PDE4B: variants seen among roughly 807,000 people sequenced by gnomAD.
The protein encoded by PDE4B is phosphodiesterase 4B, also known as 3',5'-cyclic-AMP phosphodiesterase 4B.
A neutral mutation model predicts 82.2 loss-of-function variants in PDE4B; 20 were observed. The observed-to-expected ratio is 0.24, with a 90% CI of 0.17 to 0.35. The LOEUF (loss-of-function observed/expected upper bound fraction) is 0.35, where lower values mean the gene tolerates loss of function less well. PDE4B is among the 10% of genes least tolerant of loss of function. The pLI is 1.00. For missense variants in PDE4B, 655 were observed against 907.2 expected (o/e 0.72, Z 3.57); for synonymous variants, 320 against 318.9 (o/e 1.00, Z -0.04).
intron 3 of PDE4B, among the ~76,000 whole-genome samples, chr1:66,035,056 A>AG (rs1287452345): frequency 6.6e-6 from 1 of 152,216 alleles, no homozygotes; most frequent in East Asian, 1.9e-4. Flanking sequence ...ATGTCTCTGC[A>AG]TACTAATCTT....
At chr1:66,155,463 A>C (rs1228983315) in intron 3 of PDE4B, among the ~76,000 whole-genome samples, 1 of 152,314 alleles carries the variant, frequency 6.6e-6, no homozygotes, top group Admixed American at 6.5e-5. Context: ...ACTTATTTTA[A>C]TCTTTCCAGA....
chr1:66,015,761 G>T (rs1003830789), intron 3 of PDE4B, among the ~76,000 whole-genome samples: 1 of 152,188 alleles, frequency 6.6e-6, no homozygotes, highest in South Asian at 2.1e-4. Flanking sequence ...CAGAGGAAAA[G>T]GTGGGGGGTG....
chr1:65,935,457 G>C (rs1476951730), intron 3 of PDE4B, among the ~76,000 whole-genome samples: 2 of 151,982 alleles, frequency 1.3e-5, no homozygotes, highest in Admixed American at 6.6e-5. Context: ...GTCAGTGAGT[G>C]AATGTGAAGG....
chr1:66,278,844 GTGTGTT>G (rs1486678239), intron 7 of PDE4B, among the ~76,000 whole-genome samples: 4 of 142,006 alleles, frequency 2.8e-5, no homozygotes, highest in Non-Finnish European at 6.0e-5. Flanking sequence ...GTGTGTGTAT[GTGTGTT>G]TGTGTGTGTG....
intron 1 of PDE4B, among the ~76,000 whole-genome samples, chr1:65,906,548 C>A (rs1227631119): frequency 6.6e-6 from 1 of 151,878 alleles, no homozygotes; most frequent in Non-Finnish European, 1.5e-5. Flanking sequence ...AATAATTCAA[C>A]TCTTTAAAAC....
chr1:65,866,759 G>A (rs1294095432), intron 1 of PDE4B, among the ~76,000 whole-genome samples: 1 of 152,144 alleles, frequency 6.6e-6, no homozygotes, highest in Non-Finnish European at 1.5e-5. Flanking sequence ...GAACCCTGCT[G>A]GAGAAATGGT....
At chr1:65,926,196 G>T (rs575627140) in intron 3 of PDE4B, among the ~76,000 whole-genome samples, 3 of 152,166 alleles carry the variant, frequency 2.0e-5, no homozygotes, top group East Asian at 3.9e-4. Context: ...ATGCACCTTT[G>T]GTGAGAAAAG....
At chr1:66,076,501 G>C (rs1314428237) in intron 3 of PDE4B, among the ~76,000 whole-genome samples, 1 of 151,986 alleles carries the variant, frequency 6.6e-6, no homozygotes, top group Non-Finnish European at 1.5e-5. Context: ...CTGCCTTTTT[G>C]GTAGAACAGT....
intron 3 of PDE4B, among the ~76,000 whole-genome samples, chr1:66,009,542 G>T (rs1652349397): frequency 6.6e-6 from 1 of 152,036 alleles, no homozygotes; most frequent in African/African-American, 2.4e-5. Flanking sequence ...AATCTACCCT[G>T]GTCTCTACCT....
intron 1 of PDE4B, among the ~76,000 whole-genome samples, chr1:65,902,252 T>C (rs1206413403): frequency 6.6e-6 from 1 of 152,116 alleles, no homozygotes; most frequent in East Asian, 1.9e-4. Context: ...CACTTTCTTA[T>C]ATTGATTATG....
chr1:66,128,129 T>C (rs1645862055), intron 3 of PDE4B, among the ~76,000 whole-genome samples: 1 of 152,196 alleles, frequency 6.6e-6, no homozygotes, highest in South Asian at 2.1e-4. Context: ...CTGGGTTTAA[T>C]TACTAAATTT....
intron 3 of PDE4B, among the ~76,000 whole-genome samples, chr1:65,932,563 A>G (rs1401333424): frequency 2.6e-5 from 4 of 152,126 alleles, no homozygotes; most frequent in African/African-American, 9.7e-5. Flanking sequence ...AGTCAAGGAA[A>G]ATAAAAATAA....
intron 7 of PDE4B, among the ~76,000 whole-genome samples, chr1:66,303,769 C>T (rs957226282): frequency 6.6e-6 from 1 of 151,986 alleles, no homozygotes; most frequent in Admixed American, 6.6e-5. Context: ...CAGGTAAGAG[C>T]GGATATTTTT....
rs560985970 is a variant in PDE4B at position 66,128,602 on chromosome 1, CT to C, written c.282-118856del. On this transcript the variant is annotated intron_variant, in intron 3 of 16. Coordinates refer to ENST00000341517, the MANE Select transcript of PDE4B (RefSeq NM_002600.4). ...TATTTGATGTTGGACATAACTTCTT[CT>C]TCTTAAGAAAATTTGACAGCCACAT... Among the ~76,000 whole-genome samples the C allele has an allele frequency of 1.1e-4, 16 of 152,282 alleles. No individual in the cohort carries two copies. In the South Asian group the frequency reaches 3.1e-3, roughly 30 times the overall value.
rs147762008 is a variant in PDE4B at position 66,043,317 on chromosome 1, T to G, written c.281+124482T>G. Among the ~76,000 whole-genome samples, 457 of 151,946 alleles carry G rather than the reference T, an allele frequency of 3.0e-3. 1 individual carries two copies. The highest frequency in any genetic ancestry group is 0.017 in the Middle Eastern group (5 of 294). ...GCTTCACTATTTCAGTCAATCTGTG[T>G]TGAATCTTTGAGCAAAACTGGTTGA... is the stretch of plus-strand genomic sequence containing the variant. On this transcript the variant is annotated intron_variant, in intron 3 of 16. Transcript: ENST00000341517.
At chr1:66,068,835 C>A (rs1656004505) in intron 3 of PDE4B, among the ~76,000 whole-genome samples, 1 of 151,858 alleles carries the variant, frequency 6.6e-6, no homozygotes, top group Non-Finnish European at 1.5e-5. Context: ...AATTGTACAA[C>A]TACAAATCTG....
intron 1 of PDE4B, among the ~76,000 whole-genome samples, chr1:65,896,207 A>G (rs903689392): frequency 6.6e-6 from 1 of 152,164 alleles, no homozygotes; most frequent in Admixed American, 6.6e-5. Context: ...ACAGTTTCAC[A>G]TGGATGGGGA....
At position 66,162,305 on chromosome 1, in the gene PDE4B, C is replaced by CTTTTTTTTTTTTTTT. The variant is rs1168144080; in HGVS notation, c.282-85141_282-85127dup. Among the ~76,000 whole-genome samples the CTTTTTTTTTTTTTTT allele has an allele frequency of 1.1e-3, 45 of 40,302 alleles. 13 individuals are homozygous for CTTTTTTTTTTTTTTT. Among genetic ancestry groups the CTTTTTTTTTTTTTTT allele is most frequent in the East Asian group, 1.8e-3 (2 of 1,132 alleles). 26.4% of individuals were successfully genotyped at this position (40,302 alleles called of 152,430 possible). A position where few individuals can be genotyped will look rare whatever the true frequency, so the allele number is the denominator to read the frequency against. ...TTGGTGGTAAGGTTCATGGACTTCT[C>CTTTTTTTTTTTTTTT]TTTTTTTTTTTTTTTTTTTTTTTTT... On this transcript the variant is annotated intron_variant, in intron 3 of 16. Transcript: ENST00000341517.
At chr1:66,251,698 G>A (rs1374159309) in intron 4 of PDE4B, among the ~76,000 whole-genome samples, 3 of 152,164 alleles carry the variant, frequency 2.0e-5, no homozygotes, top group African/African-American at 7.2e-5. Context: ...GGCAGGCAGA[G>A]GAAGTGCAGG....
Sources: allele counts gnomAD v4.1 joint callset (sites outside exome capture counted in the v4.1 genomes callset), GRCh38; gene constraint gnomAD v4.1.1; transcripts MANE v1.5; gene names NCBI Gene and HGNC (gene_info 2026-07-23, HGNC 2026-07-21).